The following SEL1L variants were observed in gnomAD, a reference collection of about 807,000 sequenced individuals.
SEL1L encodes protein sel-1 homolog 1.
SEL1L carries 52 observed loss-of-function variants against 109.8 expected under a neutral mutation model. The ratio of observed to expected loss-of-function variants is 0.47; its 90% CI spans 0.38 to 0.60. The LOEUF (loss-of-function observed/expected upper bound fraction) is 0.60, where lower values mean the gene tolerates loss of function less well. Among genes scored for constraint, SEL1L ranks in the 20% least tolerant of loss-of-function variants. The pLI, the probability that SEL1L is intolerant of heterozygous loss-of-function variation, is 0.00. For missense variants in SEL1L, 749 were observed against 962.2 expected (o/e 0.78, Z 2.93); for synonymous variants, 373 against 339.6 (o/e 1.10, Z -1.08).
chr14:81,498,543 G>A (rs1295068924), intron 8 of SEL1L, 49 bp from the exon 9 acceptor site: 1 of 1,362,196 alleles, frequency 7.3e-7, no homozygotes, highest in Non-Finnish European at 1.0e-6. Context: ...GTACTTCAGT[G>A]TCATTCTTCG....
Position 81,498,114 on chromosome 14 carries a change from A to C in SEL1L, c.974-68T>G, listed in dbSNP as rs777597708. The C allele has an allele frequency of 2.0e-3, 2,988 of 1,494,380 alleles. 8 individuals are homozygous for C. Among genetic ancestry groups the C allele is most frequent in the Non-Finnish European group, 2.6e-3 (2,842 of 1,100,694 alleles). 92.6% of individuals were successfully genotyped at this position (1,494,380 alleles called of 1,614,324 possible). On this transcript the variant is annotated intron_variant, in intron 9 of 20. Transcript: ENST00000336735. The stretch of plus-strand genomic sequence containing the variant: ...AGAATTGTTCCAGAGAGAGAGAAGT[A>C]CAATTCCAGCTGCCAAACGTTGACG...
Position 81,484,092 on chromosome 14 carries a change from T to A in SEL1L, c.2046+133A>T. The A allele has an allele frequency of 3.4e-6, 3 of 890,286 alleles. No homozygotes were observed. The Admixed American group carries it at 6.5e-5, about 19-fold the overall frequency. The allele number at this position is 890,286 out of a possible 1,614,324, so 55.1% of individuals were successfully genotyped here. On this transcript the variant is annotated intron_variant, in intron 19 of 20. Transcript: ENST00000336735. The stretch of plus-strand genomic sequence containing the variant: ...GATGGAAGGGCAGTCTTCTGAAATA[T>A]TACAAATCAGTCCCATAATTTAGTG...
Position 81,495,221 on chromosome 14 carries a change from C to A in SEL1L, c.1129-84G>T. 4 of 1,209,342 alleles carry A rather than the reference C, an allele frequency of 3.3e-6. No individual in the cohort carries two copies. In the South Asian group the frequency reaches 5.1e-5, roughly 15 times the overall value. 74.9% of individuals were successfully genotyped at this position (1,209,342 alleles called of 1,614,324 possible). ...TCAGACCAACAAGAAATGATTTGGT[C>A]GTAAAATGGCTTCTGTTCATGACTC... On this transcript the variant is annotated intron_variant, in intron 10 of 20. Transcript: ENST00000336735.
intron 12 of SEL1L, among the ~76,000 whole-genome samples, chr14:81,490,961 A>G (rs1883518188): frequency 6.6e-6 from 1 of 152,224 alleles, no homozygotes; most frequent in Non-Finnish European, 1.5e-5. Context: ...AAAAGCAAAC[A>G]TTTTAGTAAT....
intron 3 of SEL1L, among the ~76,000 whole-genome samples, chr14:81,509,676 G>A (rs533277937): frequency 3.3e-5 from 5 of 152,150 alleles, no homozygotes; most frequent in Non-Finnish European, 7.3e-5. Flanking sequence ...ATGCAGCGTC[G>A]GCCAGAAGAT....
At chr14:81,485,799 CTT>C (rs1377118401) in intron 17 of SEL1L, 53 bp from the exon 18 acceptor site, 4 of 1,491,654 alleles carry the variant, frequency 2.7e-6, no homozygotes, top group African/African-American at 1.4e-5. Context: ...AGGCACTAGA[CTT>C]AATTTTCATT....
intron 3 of SEL1L, among the ~76,000 whole-genome samples, chr14:81,514,757 C>T (rs1244724501): frequency 3.9e-5 from 6 of 152,136 alleles, no homozygotes; most frequent in African/African-American, 7.2e-5. Flanking sequence ...TAGGCTCACC[C>T]TTGAAATGCA....
chr14:81,486,539 T>C, intron 16 of SEL1L, 85 bp from the exon 17 acceptor site: 1 of 1,349,562 alleles, frequency 7.4e-7, no homozygotes, highest in Non-Finnish European at 1.0e-6. Context: ...TGGTTACACA[T>C]GACTATTAAG....
intron 5 of SEL1L, among the ~76,000 whole-genome samples, chr14:81,503,618 TC>T (rs1312070770): frequency 3.9e-5 from 6 of 152,316 alleles, no homozygotes; most frequent in African/African-American, 1.4e-4. Context: ...CTTGAAATAG[TC>T]TAATTATACT....
Position 81,484,166 on chromosome 14 carries a change from G to GC in SEL1L, c.2046+58dup. On this transcript the variant is annotated intron_variant, in intron 19 of 20. Coordinates refer to ENST00000336735, the MANE Select transcript of SEL1L (RefSeq NM_005065.6). The stretch of plus-strand genomic sequence containing the variant: ...AGGAAAGTCTATTTTCTATACAAAT[G>GC]CAAGTATTTTCCCCAATCACAATTA... 5 of 1,509,440 alleles carry GC rather than the reference G, an allele frequency of 3.3e-6. No homozygotes were observed. In the South Asian group the frequency reaches 6.0e-5, roughly 18 times the overall value. The allele number at this position is 1,509,440 out of a possible 1,614,324, so 93.5% of individuals were successfully genotyped here.
At chr14:81,499,209 A>C in intron 8 of SEL1L, 2 of 1,197,294 alleles carry the variant, frequency 1.7e-6, no homozygotes, top group Non-Finnish European at 2.1e-6. Flanking sequence ...GCCATTTATC[A>C]GATCTCTCTT....
intron 3 of SEL1L, among the ~76,000 whole-genome samples, chr14:81,513,565 T>G (rs919592616): frequency 1.3e-5 from 2 of 152,068 alleles, no homozygotes; most frequent in Non-Finnish European, 1.5e-5. Context: ...CTGGACACAT[T>G]TTGGCACCCA....
intron 3 of SEL1L, among the ~76,000 whole-genome samples, chr14:81,511,366 T>C (rs1300737003): frequency 6.6e-6 from 1 of 152,192 alleles, no homozygotes. Flanking sequence ...GCAAACTTCA[T>C]ATTAATCAGG....
chr14:81,486,929 T>C (rs976461705), intron 16 of SEL1L, among the ~76,000 whole-genome samples: 24 of 152,148 alleles, frequency 1.6e-4, no homozygotes, highest in African/African-American at 5.8e-4. Context: ...GATATTAGCA[T>C]TCCTTTTTGG....
intron 3 of SEL1L, among the ~76,000 whole-genome samples, chr14:81,523,526 A>G (rs1885004295): frequency 6.6e-6 from 1 of 152,064 alleles, no homozygotes; most frequent in African/African-American, 2.4e-5. Flanking sequence ...GTAAATTTAT[A>G]TTTACATTTA....
rs1187877891 is a variant in SEL1L, at chr14:81,533,780, T to C, written c.-36A>G. 13 of 1,597,082 alleles carry C rather than the reference T, an allele frequency of 8.1e-6. No homozygotes were observed. The highest frequency in any genetic ancestry group is 1.1e-5 in the Non-Finnish European group (13 of 1,170,190). ...GGGCCGGTGCCAACCCCTAGAGCTG[T>C]CGCCTTCGCCTCTGCCACCACGGAC... On this transcript the variant is annotated 5_prime_UTR_variant, in exon 1 of 21. Coordinates refer to ENST00000336735, the MANE Select transcript of SEL1L (RefSeq NM_005065.6).
In SEL1L at chr14:81,498,093, T is replaced by C. The variant is rs111412525; in HGVS notation, c.974-47A>G. 1.6e-5 allele frequency: 25 copies of C among 1,570,066 alleles called. No homozygotes were observed. In the African/African-American group the frequency reaches 2.3e-4, roughly 15 times the overall value. On this transcript the variant is annotated intron_variant, in intron 9 of 20. Transcript: ENST00000336735. ...ATAAGGTGGAGGAAAATCAGAAGAA[T>C]TGTTCCAGAGAGAGAGAAGTACAAT...
chr14:81,492,357 G>A, intron 12 of SEL1L, 123 bp downstream of exon 12: 2 of 748,958 alleles, frequency 2.7e-6, no homozygotes, highest in East Asian at 2.8e-5. Context: ...AGATATAATA[G>A]TCTTGCACTA....
In SEL1L at chr14:81,502,730, C is replaced by T. The variant is rs778117181; in HGVS notation, c.768G>A (p.Lys256=). The change falls in exon 6 of 21, where the codon AAG becomes AAA. Residue 256 remains lysine, a synonymous_variant. Coordinates refer to ENST00000336735, the MANE Select transcript of SEL1L (RefSeq NM_005065.6). ...FEKLTEEGSP[K]GQTALGFLYA... is the part of the protein sequence containing the mutation. ...CTGAGAATGTACTTACAGTCTGTCC[C>T]TTGGGAGAGCCTTCCTCAGTCAGCT... The T allele has an allele frequency of 1.9e-6, 3 of 1,613,892 alleles. No homozygotes were observed. Among genetic ancestry groups the T allele is most frequent in the East Asian group, 4.5e-5 (2 of 44,874 alleles).
Sources: gnomAD v4.1 joint callset for allele counts (sites outside exome capture counted in the v4.1 genomes callset) on GRCh38, gnomAD v4.1.1 for gene constraint, MANE v1.5 for transcripts, NCBI Gene and HGNC (gene_info 2026-07-23, HGNC 2026-07-21) for gene names.